Variants in FRMD4A observed in about 807,000 individuals in gnomAD.
FRMD4A encodes the protein FERM domain-containing protein 4A.
A neutral mutation model predicts 129.1 loss-of-function variants in FRMD4A; 29 were observed. The ratio of observed to expected loss-of-function variants is 0.22; its 90% CI spans 0.17 to 0.31. The LOEUF is 0.31. Among genes scored for constraint, FRMD4A ranks in the 10% least tolerant of loss-of-function variants. The pLI, the probability that FRMD4A is intolerant of heterozygous loss-of-function variation, is 1.00. For synonymous variants in FRMD4A, 634 were observed against 571.6 expected (o/e 1.11, Z -1.56); for missense variants, 1,272 against 1,375.8 (o/e 0.92, Z 1.19).
chr10:13,908,895 A>G (rs930638956), intron 2 of FRMD4A, among the ~76,000 whole-genome samples: 2 of 152,212 alleles, frequency 1.3e-5, no homozygotes, highest in Non-Finnish European at 2.9e-5. Flanking sequence ...CTAACAAAAG[A>G]TTCACTGATT....
chr10:13,655,385 G>C (rs570567784), intron 22 of FRMD4A: 1 of 152,236 alleles, frequency 6.6e-6, no homozygotes, highest in South Asian at 2.1e-4. Context: ...TAGGGTCACA[G>C]AATGATCATA....
At chr10:13,832,492 G>A (rs1373438544) in intron 3 of FRMD4A, among the ~76,000 whole-genome samples, 1 of 152,180 alleles carries the variant, frequency 6.6e-6, no homozygotes, top group Non-Finnish European at 1.5e-5. Flanking sequence ...GAGATGCCTG[G>A]GGCACCCTCG....
At chr10:13,884,656 G>T (rs1000199588) in intron 2 of FRMD4A, among the ~76,000 whole-genome samples, 1 of 152,076 alleles carries the variant, frequency 6.6e-6, no homozygotes, top group African/African-American at 2.4e-5. Flanking sequence ...ACTCGCTGGA[G>T]ACCCAGATGT....
At chr10:13,691,847 G>A (rs1379385287) in intron 15 of FRMD4A, among the ~76,000 whole-genome samples, 2 of 152,154 alleles carry the variant, frequency 1.3e-5, no homozygotes, top group Non-Finnish European at 2.9e-5. Flanking sequence ...ACACAAACAA[G>A]GTGTTGGCTC....
intron 3 of FRMD4A, among the ~76,000 whole-genome samples, chr10:13,841,670 T>C (rs1011077556): frequency 6.6e-6 from 1 of 152,228 alleles, no homozygotes; most frequent in South Asian, 2.1e-4. Context: ...ACAGATATTC[T>C]GCATGTGGGA....
chr10:13,884,122 T>TCACACACACTCACACACACACTCACC, intron 2 of FRMD4A, among the ~76,000 whole-genome samples: 1 of 78,264 alleles, frequency 1.3e-5, no homozygotes, highest in South Asian at 4.0e-4. Flanking sequence ...ACACACACAC[T>TCACACACACTCACACACACACTCACC]CACACACACG....
chr10:14,252,771 G>T (rs921237924), intron 2 of FRMD4A, among the ~76,000 whole-genome samples: 6 of 152,200 alleles, frequency 3.9e-5, no homozygotes, highest in Non-Finnish European at 5.9e-5. Flanking sequence ...TTGAGACCAT[G>T]TAAATATTAT....
chr10:13,652,785 C>CTTATCAGAAT (rs1221771100), intron 23 of FRMD4A: 1 of 152,158 alleles, frequency 6.6e-6, no homozygotes, highest in East Asian at 1.9e-4. Flanking sequence ...ACCTGGAGGG[C>CTTATCAGAAT]TTATCAGAAT....
intron 3 of FRMD4A, among the ~76,000 whole-genome samples, chr10:13,851,564 C>G (rs1335828765): frequency 6.6e-6 from 1 of 152,066 alleles, no homozygotes; most frequent in Non-Finnish European, 1.5e-5. Flanking sequence ...AGTCCAAACC[C>G]TACGGTGAAC....
chr10:13,704,628 C>T (rs769294619), intron 13 of FRMD4A, among the ~76,000 whole-genome samples: 35 of 152,178 alleles, frequency 2.3e-4, no homozygotes, highest in Non-Finnish European at 3.1e-4. Flanking sequence ...TCATGGCCCA[C>T]GACGTCTGGC....
At chr10:13,690,774 C>T (rs2085609788) in intron 15 of FRMD4A, among the ~76,000 whole-genome samples, 2 of 152,206 alleles carry the variant, frequency 1.3e-5, no homozygotes, top group Admixed American at 1.3e-4. Context: ...CTAATCACCT[C>T]AGCCTGGGGC....
intron 2 of FRMD4A, among the ~76,000 whole-genome samples, chr10:14,123,917 A>G (rs1323537984): frequency 6.6e-6 from 1 of 152,108 alleles, no homozygotes; most frequent in African/African-American, 2.4e-5. Flanking sequence ...GAGATTGGCC[A>G]TTTTATTTGC....
Position 14,209,718 on chromosome 10 carries a change from C to CAAA in FRMD4A, c.45+120337_45+120339dup, listed in dbSNP as rs34707420. ...CCTGGGCGACAGAGCGAGACTGTCTCAAAAAAAAAAAAAAAAAAATAGCTG... is the reference window on the plus strand; with the variant it reads ...CCTGGGCGACAGAGCGAGACTGTCTCAAAAAAAAAAAAAAAAAAAAAATAGCTG... On this transcript the variant is annotated intron_variant, in intron 2 of 24. Coordinates refer to ENST00000357447, the MANE Select transcript of FRMD4A (RefSeq NM_018027.5). Among the ~76,000 whole-genome samples, 130 of 108,540 alleles carry CAAA rather than the reference C, an allele frequency of 1.2e-3. 1 individual carries two copies. Among genetic ancestry groups the CAAA allele is most frequent in the Non-Finnish European group, 1.7e-3 (90 of 53,070 alleles). 71.2% of individuals were successfully genotyped at this position (108,540 alleles called of 152,430 possible). A position where few individuals can be genotyped will look rare whatever the true frequency, so the allele number is the denominator to read the frequency against.
intron 2 of FRMD4A, among the ~76,000 whole-genome samples, chr10:14,069,827 C>G (rs1252186536): frequency 1.3e-5 from 2 of 152,136 alleles, no homozygotes; most frequent in Admixed American, 1.3e-4. Flanking sequence ...GCCCATGGAA[C>G]TAAATATTTG....
At chr10:13,948,447 A>T (rs11258743) in intron 2 of FRMD4A, among the ~76,000 whole-genome samples, 1 of 152,112 alleles carries the variant, frequency 6.6e-6, no homozygotes, top group African/African-American at 2.4e-5. Flanking sequence ...ATCAAGAGCC[A>T]CTAAAGGTAC....
At chr10:13,924,518 A>G (rs1280284900) in intron 2 of FRMD4A, among the ~76,000 whole-genome samples, 3 of 151,850 alleles carry the variant, frequency 2.0e-5, no homozygotes, top group South Asian at 4.2e-4. Context: ...ATCTCTTGCC[A>G]TAAAGGAAGG....
intron 2 of FRMD4A, among the ~76,000 whole-genome samples, chr10:14,188,480 T>G (rs1842217334): frequency 6.6e-6 from 1 of 152,200 alleles, no homozygotes; most frequent in Non-Finnish European, 1.5e-5. Flanking sequence ...ATCCAATCAT[T>G]CCCTCTTCAA....
chr10:14,231,770 G>A (rs557413957), intron 2 of FRMD4A, among the ~76,000 whole-genome samples: 2 of 152,236 alleles, frequency 1.3e-5, no homozygotes, highest in South Asian at 4.1e-4. Flanking sequence ...CATTTTTAAG[G>A]GGGTGGGTTG....
At chr10:13,665,460 C>T (rs954845993) in intron 18 of FRMD4A, among the ~76,000 whole-genome samples, 4 of 152,138 alleles carry the variant, frequency 2.6e-5, no homozygotes, top group Middle Eastern at 3.2e-3. Flanking sequence ...AATTCACTGA[C>T]TTAGACAAGA....
Sources: allele counts gnomAD v4.1 joint callset (sites outside exome capture counted in the v4.1 genomes callset), GRCh38; gene constraint gnomAD v4.1.1; transcripts MANE v1.5; gene names NCBI Gene and HGNC (gene_info 2026-07-23, HGNC 2026-07-21).